SORBS2: variants seen among roughly 807,000 people sequenced by gnomAD.
SORBS2 encodes sorbin and SH3 domain-containing protein 2.
SORBS2 carries 46 observed loss-of-function variants against 97.7 expected under a neutral mutation model. That is an observed-to-expected ratio of 0.47 (90% CI 0.37 to 0.60). SORBS2 has a LOEUF of 0.60. Among genes scored for constraint, SORBS2 ranks in the 20% least tolerant of loss-of-function variants. SORBS2 has a pLI of 0.00. For missense variants in SORBS2, 1,316 were observed against 1,282.3 expected (o/e 1.03, Z -0.40); for synonymous variants, 476 against 473.4 (o/e 1.01, Z -0.07).
chr4:185,601,099 C>T (rs539835385), intron 12 of SORBS2, among the ~76,000 whole-genome samples: 2 of 152,288 alleles, frequency 1.3e-5, no homozygotes, highest in African/African-American at 4.8e-5. Context: ...TTTCTCAACT[C>T]TCATTTAGAA....
chr4:185,590,348 A>G (rs1250900003), intron 13 of SORBS2, among the ~76,000 whole-genome samples: 1 of 152,188 alleles, frequency 6.6e-6, no homozygotes, highest in African/African-American at 2.4e-5. Flanking sequence ...ATACAAAGGA[A>G]AATTATTTTT....
At chr4:185,891,896 G>A (rs777053934) in intron 1 of SORBS2, among the ~76,000 whole-genome samples, 12 of 151,926 alleles carry the variant, frequency 7.9e-5, no homozygotes, top group South Asian at 6.2e-4. Context: ...GTGCAGTGGC[G>A]CGATCTTGGC....
chr4:185,754,257 T>C (rs1037329029), intron 2 of SORBS2, among the ~76,000 whole-genome samples: 7 of 152,110 alleles, frequency 4.6e-5, no homozygotes, highest in African/African-American at 1.7e-4. Context: ...TGAGTACATA[T>C]GGACACAAAG....
intron 2 of SORBS2, among the ~76,000 whole-genome samples, chr4:185,715,689 A>G (rs959034679): frequency 2.0e-5 from 3 of 152,250 alleles, no homozygotes; most frequent in Admixed American, 2.0e-4. Context: ...CTTGAAATAC[A>G]ACAGACCAAA....
chr4:185,620,997 A>G (rs1176465579), intron 7 of SORBS2, among the ~76,000 whole-genome samples: 2 of 152,336 alleles, frequency 1.3e-5, no homozygotes, highest in Non-Finnish European at 2.9e-5. Flanking sequence ...CACTTACGTG[A>G]CTTACATATG....
intron 1 of SORBS2, among the ~76,000 whole-genome samples, chr4:185,942,085 C>T (rs536507918): frequency 2.6e-5 from 4 of 152,170 alleles, no homozygotes; most frequent in Non-Finnish European, 5.9e-5. Context: ...CACTGCACTC[C>T]AGCTGGGGTG....
At chr4:185,683,191 T>C (rs2097899565) in intron 2 of SORBS2, among the ~76,000 whole-genome samples, 1 of 151,988 alleles carries the variant, frequency 6.6e-6, no homozygotes, top group Non-Finnish European at 1.5e-5. Context: ...ACATTGTTAT[T>C]ACTGAAGATT....
At chr4:185,893,528 C>A (rs753447291) in intron 1 of SORBS2, among the ~76,000 whole-genome samples, 2 of 152,184 alleles carry the variant, frequency 1.3e-5, no homozygotes, top group Non-Finnish European at 2.9e-5. Context: ...AGGGAATTTT[C>A]TTCCCTCCAG....
chr4:185,646,438 C>A, intron 4 of SORBS2: 1 of 295,608 alleles, frequency 3.4e-6, no homozygotes. Context: ...TATATAAATA[C>A]ACACACATAC....
intron 2 of SORBS2, among the ~76,000 whole-genome samples, chr4:185,729,267 A>T (rs1354031763): frequency 6.6e-6 from 1 of 152,224 alleles, no homozygotes; most frequent in Non-Finnish European, 1.5e-5. Flanking sequence ...TTAAGTCTGC[A>T]TATTTTAAAA....
intron 1 of SORBS2, among the ~76,000 whole-genome samples, chr4:185,884,677 C>T (rs1161291236): frequency 6.6e-6 from 1 of 152,148 alleles, no homozygotes; most frequent in Non-Finnish European, 1.5e-5. Context: ...CTATGGTTTC[C>T]TCAGTAAAGG....
At chr4:185,901,968 T>C (rs558800361) in intron 1 of SORBS2, among the ~76,000 whole-genome samples, 1 of 152,322 alleles carries the variant, frequency 6.6e-6, no homozygotes, top group South Asian at 2.1e-4. Flanking sequence ...TTTTATAAAA[T>C]ATGAAATAGC....
At chr4:185,715,006 G>A (rs1054984490) in intron 2 of SORBS2, among the ~76,000 whole-genome samples, 1 of 152,156 alleles carries the variant, frequency 6.6e-6, no homozygotes, top group Non-Finnish European at 1.5e-5. Context: ...TAAGTTAAAG[G>A]CTTGTAAATC....
chr4:185,943,539 C>A (rs1262124733), intron 1 of SORBS2, among the ~76,000 whole-genome samples: 1 of 152,202 alleles, frequency 6.6e-6, no homozygotes, highest in Non-Finnish European at 1.5e-5. Flanking sequence ...AGCAATCACA[C>A]AAATCCTCAC....
At chr4:185,697,923 T>C (rs1177215613) in intron 2 of SORBS2, among the ~76,000 whole-genome samples, 1 of 152,232 alleles carries the variant, frequency 6.6e-6, no homozygotes, top group Non-Finnish European at 1.5e-5. Context: ...TTTTTATATA[T>C]TGAAATATAA....
chr4:185,646,481 G>T, intron 4 of SORBS2, 187 bp downstream of exon 13: 1 of 534,624 alleles, frequency 1.9e-6, no homozygotes. Context: ...GGTCAGTAAA[G>T]ACAATATATT....
At chr4:185,808,809 C>T (rs1309475247) in intron 1 of SORBS2, among the ~76,000 whole-genome samples, 2 of 152,176 alleles carry the variant, frequency 1.3e-5, no homozygotes, top group African/African-American at 4.8e-5. Context: ...TTATAATCGG[C>T]TACTAATCAT....
chr4:185,696,443 G>A (rs1225191249), intron 2 of SORBS2, among the ~76,000 whole-genome samples: 1 of 151,996 alleles, frequency 6.6e-6, no homozygotes, highest in East Asian at 1.9e-4. Flanking sequence ...ACTTAACATT[G>A]GTCCAGCACC....
At position 185,607,193 on chromosome 4, in the gene SORBS2, T is replaced by C. The variant is rs1487507483; in HGVS notation, c.2796+4587A>G. ...AGCTTCTCCAATTCACCCAAGAAGT[T>C]GTCCAGGAAACGAGGTGGTGTTGGG... is the stretch of plus-strand genomic sequence containing the variant. On this transcript the variant is annotated intron_variant, in intron 12 of 14. Coordinates refer to ENST00000418609, the Ensembl canonical transcript of SORBS2. The surrounding 1 kb of genome is among the most constrained non-coding windows in gnomAD (Gnocchi z 5.2). 1 of 1,133,668 alleles carries C rather than the reference T, an allele frequency of 8.8e-7. No homozygotes were observed. The highest frequency in any genetic ancestry group is 1.1e-6 in the Non-Finnish European group (1 of 914,412). 70.2% of individuals were successfully genotyped at this position (1,133,668 alleles called of 1,614,324 possible).
Sources: gnomAD v4.1 joint callset for allele counts (sites outside exome capture counted in the v4.1 genomes callset) on GRCh38, gnomAD v4.1.1 for gene constraint, Gnocchi (gnomAD v3.1) non-coding constraint, MANE v1.5 for transcripts, NCBI Gene and HGNC (gene_info 2026-07-23, HGNC 2026-07-21) for gene names.